The following IMMP2L variants were observed in gnomAD, a reference collection of about 807,000 sequenced individuals.
IMMP2L encodes inner mitochondrial membrane peptidase subunit 2, also known as mitochondrial inner membrane protease subunit 2.
A neutral mutation model predicts 19.3 loss-of-function variants in IMMP2L; 18 were observed. The observed-to-expected ratio is 0.93, with a 90% CI of 0.64 to 1.38. The LOEUF is 1.38. Ranked by LOEUF, IMMP2L falls within the 40% of genes most tolerant of loss-of-function variation. The probability of loss-of-function intolerance (pLI) is 0.00; values close to 1 mark genes in which losing one functional copy is unlikely to be tolerated. For missense variants in IMMP2L, 233 were observed against 218.2 expected (o/e 1.07, Z -0.43); for synonymous variants, 76 against 73.0 (o/e 1.04, Z -0.21).
intron 3 of IMMP2L, among the ~76,000 whole-genome samples, chr7:111,371,221 A>C (rs1052412230): frequency 2.6e-5 from 4 of 151,832 alleles, no homozygotes; most frequent in African/African-American, 9.7e-5. Context: ...CTAATCTACT[A>C]ATTTCTCTGT....
At chr7:111,552,929 G>A (rs1490741015) in intron 1 of IMMP2L, among the ~76,000 whole-genome samples, 1 of 152,122 alleles carries the variant, frequency 6.6e-6, no homozygotes, top group Non-Finnish European at 1.5e-5. Flanking sequence ...GCCCATTGTG[G>A]AAAGGAACCA....
chr7:111,205,266 C>G (rs776519271), intron 3 of IMMP2L, among the ~76,000 whole-genome samples: 3 of 152,186 alleles, frequency 2.0e-5, no homozygotes, highest in Non-Finnish European at 4.4e-5. Flanking sequence ...CCTAAAGGCT[C>G]CACCTCTTAA....
intron 5 of IMMP2L, among the ~76,000 whole-genome samples, chr7:110,843,949 AGG>A (rs1263730320): frequency 6.6e-6 from 1 of 152,108 alleles, no homozygotes; most frequent in African/African-American, 2.4e-5. Flanking sequence ...GATAGGAGGA[AGG>A]GGCTGGGTCC....
intron 5 of IMMP2L, among the ~76,000 whole-genome samples, chr7:110,797,918 G>A (rs1040085939): frequency 2.6e-5 from 4 of 151,946 alleles, no homozygotes; most frequent in East Asian, 1.9e-4. Context: ...ATCTTGCATT[G>A]TGCCCATGAA....
At chr7:110,834,497 A>C (rs1379887136) in intron 5 of IMMP2L, among the ~76,000 whole-genome samples, 3 of 152,132 alleles carry the variant, frequency 2.0e-5, no homozygotes, top group African/African-American at 7.2e-5. Context: ...CTGGTACCAG[A>C]AGAAATAGGA....
At chr7:111,312,235 A>G (rs1823600686) in intron 3 of IMMP2L, among the ~76,000 whole-genome samples, 1 of 152,166 alleles carries the variant, frequency 6.6e-6, no homozygotes, top group South Asian at 2.1e-4. Context: ...GAAACTGCAG[A>G]TGAAGCATAG....
intron 3 of IMMP2L, among the ~76,000 whole-genome samples, chr7:111,151,003 G>C (rs906415381): frequency 4.6e-5 from 7 of 152,180 alleles, no homozygotes; most frequent in Non-Finnish European, 7.3e-5. Flanking sequence ...GTCTGCCTGT[G>C]TTAGGGTCAG....
chr7:110,828,357 C>T (rs539856062), intron 5 of IMMP2L, among the ~76,000 whole-genome samples: 9 of 152,250 alleles, frequency 5.9e-5, no homozygotes, highest in East Asian at 1.9e-4. Flanking sequence ...GTAGTAAGAG[C>T]GTTAGGTCTG....
intron 3 of IMMP2L, among the ~76,000 whole-genome samples, chr7:111,483,166 ACT>A (rs914377304): frequency 6.6e-6 from 1 of 152,102 alleles, no homozygotes; most frequent in Non-Finnish European, 1.5e-5. Flanking sequence ...ATTTGTGGGA[ACT>A]CTCTACACTA....
chr7:111,535,126 C>A (rs184254331), intron 1 of IMMP2L, among the ~76,000 whole-genome samples: 2 of 151,958 alleles, frequency 1.3e-5, no homozygotes, highest in African/African-American at 2.4e-5. Flanking sequence ...TGTTCCTAGC[C>A]CTATTTTCTT....
intron 3 of IMMP2L, among the ~76,000 whole-genome samples, chr7:111,360,760 G>T (rs1026998411): frequency 6.6e-6 from 1 of 152,150 alleles, no homozygotes; most frequent in South Asian, 2.1e-4. Context: ...CAAGGCTGCA[G>T]TGAGCTATGA....
intron 4 of IMMP2L, among the ~76,000 whole-genome samples, chr7:110,908,009 A>G (rs1260381741): frequency 1.3e-5 from 2 of 152,176 alleles, no homozygotes; most frequent in Non-Finnish European, 2.9e-5. Context: ...AAGAGGGAGG[A>G]GTTAAAGACA....
At chr7:111,114,519 T>A (rs113308855) in intron 3 of IMMP2L, among the ~76,000 whole-genome samples, 47 of 152,156 alleles carry the variant, frequency 3.1e-4, no homozygotes, top group African/African-American at 1.1e-3. Flanking sequence ...GGGCAGATCA[T>A]TAGGTCAGGA....
At chr7:111,098,381 G>T (rs2129579378) in intron 3 of IMMP2L, among the ~76,000 whole-genome samples, 1 of 151,848 alleles carries the variant, frequency 6.6e-6, no homozygotes, top group African/African-American at 2.4e-5. Flanking sequence ...TTTTAATGAG[G>T]AAGCAAAATT....
chr7:110,925,270 A>G (rs1234855868), intron 4 of IMMP2L, among the ~76,000 whole-genome samples: 5 of 152,116 alleles, frequency 3.3e-5, no homozygotes, highest in Non-Finnish European at 7.4e-5. Context: ...AGTTAACTCT[A>G]ACTTCACGAG....
At chr7:111,009,675 T>C (rs1824718940) in intron 3 of IMMP2L, among the ~76,000 whole-genome samples, 1 of 152,116 alleles carries the variant, frequency 6.6e-6, no homozygotes, top group Non-Finnish European at 1.5e-5. Flanking sequence ...TTTCAGTCTG[T>C]CTTCAACAAA....
At chr7:110,959,413 A>G (rs889115729) in intron 4 of IMMP2L, among the ~76,000 whole-genome samples, 1 of 151,912 alleles carries the variant, frequency 6.6e-6, no homozygotes, top group African/African-American at 2.4e-5. Flanking sequence ...GCATTTTAAA[A>G]AAATTGAGTC....
At chr7:111,090,832 C>T (rs1002771412) in intron 3 of IMMP2L, among the ~76,000 whole-genome samples, 4 of 152,048 alleles carry the variant, frequency 2.6e-5, no homozygotes, top group African/African-American at 9.7e-5. Context: ...TATTTGCAGA[C>T]TGAAAACATA....
chr7:111,310,690 C>G (rs1823418687), intron 3 of IMMP2L, among the ~76,000 whole-genome samples: 1 of 152,088 alleles, frequency 6.6e-6, no homozygotes, highest in African/African-American at 2.4e-5. Flanking sequence ...GCAGATTTTA[C>G]ATCGCCCTGA....
Sources: allele counts gnomAD v4.1 joint callset (sites outside exome capture counted in the v4.1 genomes callset), GRCh38; gene constraint gnomAD v4.1.1; transcripts MANE v1.5; gene names NCBI Gene and HGNC (gene_info 2026-07-23, HGNC 2026-07-21).